NDE1: variants seen among roughly 807,000 people sequenced by gnomAD.
NDE1 encodes the protein nuclear distribution protein nudE homolog 1.
A neutral mutation model predicts 43.4 loss-of-function variants in NDE1; 28 were observed. That is an observed-to-expected ratio of 0.65 (90% CI 0.48 to 0.89). NDE1 has a LOEUF of 0.89. Among genes scored for constraint, NDE1 ranks in the 40% least tolerant of loss-of-function variants. The probability of loss-of-function intolerance (pLI) is 0.00; values close to 1 mark genes in which losing one functional copy is unlikely to be tolerated. For synonymous variants in NDE1, 184 were observed against 172.0 expected (o/e 1.07, Z -0.55); for missense variants, 441 against 434.1 (o/e 1.02, Z -0.14).
intron 8 of NDE1, chr16:15,703,786 C>T: frequency 3.0e-6 from 2 of 677,840 alleles, no homozygotes; most frequent in Non-Finnish European, 5.1e-6. Context: ...TGAGGTTTTA[C>T]TACGTTGCCC....
intron 4 of NDE1, chr16:15,686,429 C>G: frequency 1.0e-6 from 1 of 985,370 alleles, no homozygotes; most frequent in Non-Finnish European, 1.2e-6. Context: ...ATGCCCTTCA[C>G]AAGAAGGGGT....
At chr16:15,679,695 C>T (rs756772780) in intron 4 of NDE1, among the ~76,000 whole-genome samples, 43 of 152,284 alleles carry the variant, frequency 2.8e-4, no homozygotes, top group Non-Finnish European at 4.7e-4. Context: ...TTATACTCCA[C>T]GCATTCAATA....
At chr16:15,655,627 G>C (rs142936543) in intron 1 of NDE1, among the ~76,000 whole-genome samples, 3 of 152,050 alleles carry the variant, frequency 2.0e-5, no homozygotes, top group African/African-American at 7.2e-5. Context: ...TCGCATTACT[G>C]GGTATATACC....
chr16:15,676,727 C>T (rs1289209007), intron 3 of NDE1, among the ~76,000 whole-genome samples: 1 of 152,102 alleles, frequency 6.6e-6, no homozygotes, highest in African/African-American at 2.4e-5. Flanking sequence ...GCAGTGGTGC[C>T]TTCACAGCCC....
upstream of NDE1, among the ~76,000 whole-genome samples, chr16:15,645,368 T>C (rs368378410): frequency 2.0e-5 from 3 of 152,164 alleles, no homozygotes; most frequent in Non-Finnish European, 2.9e-5. Context: ...TGGTGACTCA[T>C]GTCGTAATCC....
intron 5 of NDE1, among the ~76,000 whole-genome samples, chr16:15,690,337 CTTTTTTTTTTTTTTTCTTTTTTT>C (rs2038674993): frequency 2.7e-5 from 2 of 74,106 alleles, no homozygotes; most frequent in African/African-American, 9.4e-5. Flanking sequence ...TGCAACTGGC[CTTTTTTTTTTTTTTTCTTTTTTT>C]TTTTTTTTTT....
intron 8 of NDE1, among the ~76,000 whole-genome samples, chr16:15,706,792 G>A (rs528698813): frequency 1.3e-5 from 2 of 152,076 alleles, no homozygotes; most frequent in Non-Finnish European, 2.9e-5. Context: ...TTTGGCTCTT[G>A]GAAGAGTCTA....
intron 8 of NDE1, chr16:15,708,930 C>T: frequency 2.3e-6 from 3 of 1,328,872 alleles, no homozygotes; most frequent in Non-Finnish European, 3.2e-6. Context: ...AAGACATTTG[C>T]TTCGATTTAA....
chr16:15,643,541 G>C (rs1240273132), exon 1 of NDE1: 1 of 355,988 alleles, frequency 2.8e-6, no homozygotes, highest in South Asian at 2.1e-5. Context: ...ATTTGAACGG[G>C]ATTTCAATGA....
At chr16:15,691,419 G>A in intron 6 of NDE1, 96 bp downstream of exon 6, 1 of 1,381,462 alleles carries the variant, frequency 7.2e-7, no homozygotes, top group Non-Finnish European at 1.0e-6. Flanking sequence ...ATTTGCATCA[G>A]GCTCAGAGCC....
chr16:15,697,141 C>G (rs2039053731), intron 8 of NDE1: 1 of 855,582 alleles, frequency 1.2e-6, no homozygotes, highest in South Asian at 5.4e-5. Flanking sequence ...CCTCCCAGCT[C>G]AAACGATCCT....
At chr16:15,648,157 A>T (rs1269619744), upstream of NDE1, among the ~76,000 whole-genome samples, 1 of 152,154 alleles carries the variant, frequency 6.6e-6, no homozygotes, top group Non-Finnish European at 1.5e-5. Context: ...CATCATAATC[A>T]CATCAGGGTA....
intron 6 of NDE1, 36 bp downstream of exon 6, chr16:15,691,359 C>G: frequency 6.2e-7 from 1 of 1,606,408 alleles, no homozygotes; most frequent in Non-Finnish European, 8.5e-7. Flanking sequence ...TTTCTCGGTT[C>G]ACAAAGTGTT....
At chr16:15,646,343 G>A (rs12051086), upstream of NDE1, among the ~76,000 whole-genome samples, 743 of 152,274 alleles carry the variant, frequency 4.9e-3, 39 homozygotes, top group East Asian at 0.12. Context: ...TTGGGAGGCC[G>A]AGGCAGGTGG....
intron 3 of NDE1, among the ~76,000 whole-genome samples, chr16:15,673,459 C>T (rs1303898131): frequency 6.6e-6 from 1 of 152,084 alleles, no homozygotes; most frequent in Non-Finnish European, 1.5e-5. Context: ...CCCGCCTTGG[C>T]CTCCCAAGTA....
At chr16:15,679,434 C>T (rs1271744669) in intron 4 of NDE1, among the ~76,000 whole-genome samples, 2 of 152,016 alleles carry the variant, frequency 1.3e-5, no homozygotes, top group African/African-American at 4.8e-5. Flanking sequence ...ATTTTTTTGT[C>T]TTTGTTCTTC....
chr16:15,670,235 A>G (rs888509631), intron 3 of NDE1, among the ~76,000 whole-genome samples: 1 of 152,174 alleles, frequency 6.6e-6, no homozygotes, highest in African/African-American at 2.4e-5. Flanking sequence ...GTGTGTGCCC[A>G]GGGCTAGGTA....
chr16:15,704,232 A>T lies in NDE1; in HGVS notation c.947+7372A>T, dbSNP rs558212776. ...TAGCTATAGTCCTATTGCAATATAA[A>T]TTTTTTTTATGGCAGAAAACACACA... On this transcript the variant is annotated intron_variant, in intron 8 of 8. Coordinates refer to ENST00000396354, the MANE Select transcript of NDE1 (RefSeq NM_017668.3). 1.1e-4 allele frequency: 151 copies of T among 1,349,806 alleles called. 1 individual carries two copies. In the East Asian group the frequency reaches 1.3e-3, roughly 11 times the overall value. 83.6% of individuals were successfully genotyped at this position (1,349,806 alleles called of 1,614,324 possible). A position where few individuals can be genotyped will look rare whatever the true frequency, so the allele number is the denominator to read the frequency against.
At chr16:15,664,900 T>A in intron 2 of NDE1, 39 bp downstream of exon 2, 3 of 1,509,476 alleles carry the variant, frequency 2.0e-6, no homozygotes, top group Non-Finnish European at 2.8e-6. Flanking sequence ...TTTTTTTTTT[T>A]TTTGAGATGG....
Sources: gnomAD v4.1 joint callset for allele counts (sites outside exome capture counted in the v4.1 genomes callset) on GRCh38, gnomAD v4.1.1 for gene constraint, MANE v1.5 for transcripts, NCBI Gene and HGNC (gene_info 2026-07-23, HGNC 2026-07-21) for gene names.